The following PEMT variants were observed in gnomAD, a reference collection of about 807,000 sequenced individuals.
PEMT encodes the protein phosphatidylethanolamine N-methyltransferase.
Under a neutral mutation model 27.4 loss-of-function variants are expected in PEMT, and 23 were observed. The ratio of observed to expected loss-of-function variants is 0.84; its 90% CI spans 0.60 to 1.19. The LOEUF is 1.19. Ranked by LOEUF, PEMT falls within the 50% of genes most tolerant of loss-of-function variation. The probability of loss-of-function intolerance (pLI) is 0.00; values close to 1 mark genes in which losing one functional copy is unlikely to be tolerated. For missense variants in PEMT, 307 were observed against 310.1 expected (o/e 0.99, Z 0.07); for synonymous variants, 137 against 139.1 (o/e 0.98, Z 0.11).
At chr17:17,508,461 T>G (rs1906080344) in intron 5 of PEMT, among the ~76,000 whole-genome samples, 1 of 152,082 alleles carries the variant, frequency 6.6e-6, no homozygotes, top group Non-Finnish European at 1.5e-5. Context: ...CTGCTGAAGG[T>G]GGGAGCCAGG....
chr17:17,505,726 A>T lies in PEMT; in HGVS notation c.*65T>A, dbSNP rs1905771400. The T allele has an allele frequency of 6.6e-7, 1 of 1,511,340 alleles. No homozygotes were observed. The highest frequency in any genetic ancestry group is 8.9e-7 in the Non-Finnish European group (1 of 1,127,696). The allele number at this position is 1,511,340 out of a possible 1,614,324, so 93.6% of individuals were successfully genotyped here. On this transcript the variant is annotated 3_prime_UTR_variant, in exon 7 of 7. Coordinates refer to ENST00000255389, the MANE Select transcript of PEMT (RefSeq NM_148172.3). Reference sequence around the variant, plus strand: ...AGCAGGCACCATTCTCGCCCTGCGCAGGGCCTGCCACTTGGGGCAGGCCAG... The same window carrying T: ...AGCAGGCACCATTCTCGCCCTGCGCTGGGCCTGCCACTTGGGGCAGGCCAG...
intron 2 of PEMT, among the ~76,000 whole-genome samples, chr17:17,564,907 G>C (rs1910725826): frequency 6.6e-6 from 1 of 152,168 alleles, no homozygotes; most frequent in African/African-American, 2.4e-5. Context: ...CACACACCGG[G>C]TGGGGTCCCT....
intron 2 of PEMT, among the ~76,000 whole-genome samples, chr17:17,549,883 C>T (rs1197027487): frequency 6.6e-6 from 1 of 152,242 alleles, no homozygotes; most frequent in Non-Finnish European, 1.5e-5. Context: ...TACCTGCACA[C>T]ACATTCAGTC....
intron 2 of PEMT, among the ~76,000 whole-genome samples, chr17:17,553,693 G>A (rs991236322): frequency 1.8e-4 from 27 of 152,246 alleles, no homozygotes; most frequent in African/African-American, 6.5e-4. Flanking sequence ...GCCACGTCCA[G>A]CACCTTCAGC....
intron 2 of PEMT, 21 bp downstream of exon 2, chr17:17,576,899 A>G (rs1911630935): frequency 6.3e-7 from 1 of 1,584,400 alleles, no homozygotes; most frequent in African/African-American, 1.3e-5. Context: ...CCGTCTGGAC[A>G]GTGTCAGGCA....
At chr17:17,524,770 T>C (rs1802711272) in intron 2 of PEMT, among the ~76,000 whole-genome samples, 2 of 151,974 alleles carry the variant, frequency 1.3e-5, no homozygotes, top group South Asian at 4.2e-4. Context: ...GTAGCCATCC[T>C]AGTGGGTGTC....
intron 2 of PEMT, among the ~76,000 whole-genome samples, chr17:17,566,337 C>T (rs1910825919): frequency 6.6e-6 from 1 of 152,198 alleles, no homozygotes; most frequent in Non-Finnish European, 1.5e-5. Context: ...GGTTGCATGG[C>T]TTCCTGGGGA....
intron 2 of PEMT, among the ~76,000 whole-genome samples, chr17:17,542,710 C>T (rs1049600718): frequency 3.3e-5 from 5 of 152,234 alleles, no homozygotes; most frequent in African/African-American, 9.6e-5. Context: ...ATGCACAAGT[C>T]CATGAGATCC....
chr17:17,509,364 T>A, intron 5 of PEMT, 70 bp downstream of exon 5: 1 of 1,030,830 alleles, frequency 9.7e-7, no homozygotes, highest in South Asian at 1.4e-5. Context: ...GGCCCCCGCG[T>A]CCTGAGCTGC....
At chr17:17,536,951 C>T (rs1461112342) in intron 2 of PEMT, among the ~76,000 whole-genome samples, 1 of 152,204 alleles carries the variant, frequency 6.6e-6, no homozygotes, top group South Asian at 2.1e-4. Context: ...CAGCACCCAG[C>T]CCGGGAAGTC....
chr17:17,524,033 G>A (rs1907483760), intron 2 of PEMT, among the ~76,000 whole-genome samples: 1 of 152,032 alleles, frequency 6.6e-6, no homozygotes, highest in Admixed American at 6.5e-5. Flanking sequence ...TTTTGTGTCT[G>A]GCTGCTTTGA....
chr17:17,575,769 G>A lies in PEMT; in HGVS notation c.204+1151C>T, dbSNP rs558122804. On this transcript the variant is annotated intron_variant, in intron 2 of 6. Transcript: ENST00000255389. ...CCTCGAAGCCCCTCCCTTGTGGGCC[G>A]CCAGAGCATCCATCCTCGGAGTGTG... Among the ~76,000 whole-genome samples, 68 of 152,320 alleles carry A rather than the reference G, an allele frequency of 4.5e-4. 1 individual carries two copies. In the South Asian group the frequency reaches 0.013, roughly 29 times the overall value.
chr17:17,539,312 C>T (rs1011610830), intron 2 of PEMT, among the ~76,000 whole-genome samples: 5 of 152,142 alleles, frequency 3.3e-5, no homozygotes, highest in Admixed American at 2.6e-4. Context: ...ATGCATACCA[C>T]CACCACATCA....
At chr17:17,518,341 C>T (rs574516301) in intron 3 of PEMT, among the ~76,000 whole-genome samples, 18 of 152,334 alleles carry the variant, frequency 1.2e-4, no homozygotes, top group African/African-American at 7.2e-5. Flanking sequence ...CAGAGGGTAG[C>T]GGTCCAGCCA....
intron 2 of PEMT, among the ~76,000 whole-genome samples, chr17:17,576,268 C>T (rs573588923): frequency 2.0e-5 from 3 of 152,302 alleles, no homozygotes; most frequent in Admixed American, 6.5e-5. Context: ...ACACTTTCCT[C>T]GAAGGGCCCA....
At chr17:17,571,643 C>T (rs1260610198) in intron 2 of PEMT, among the ~76,000 whole-genome samples, 1 of 152,038 alleles carries the variant, frequency 6.6e-6, no homozygotes, top group African/African-American at 2.4e-5. Flanking sequence ...GGCCTGGGGC[C>T]AAGGCCCCTC....
intron 3 of PEMT, among the ~76,000 whole-genome samples, chr17:17,520,603 A>G (rs1292719338): frequency 3.3e-5 from 5 of 152,234 alleles, no homozygotes; most frequent in African/African-American, 1.2e-4. Context: ...GCAGACGCAC[A>G]GGCCCCGAGG....
At chr17:17,525,048 A>G (rs1907569799) in intron 2 of PEMT, among the ~76,000 whole-genome samples, 2 of 152,172 alleles carry the variant, frequency 1.3e-5, no homozygotes, top group Admixed American at 1.3e-4. Flanking sequence ...CGGAGGTTGC[A>G]GTGAGCCGAG....
rs61692723 is a variant in PEMT, at chr17:17,518,137, G to A, written c.320+4143C>T. On this transcript the variant is annotated intron_variant, in intron 3 of 6. Transcript: ENST00000255389. ...CCAGGCAATTCCGATGTGCGCTGGA[G>A]CACAGTTCCATCCCGTGACTGGTGA... 16,876 of 985,442 alleles carry A rather than the reference G, an allele frequency of 0.017. 2,033 individuals carry two copies. In the African/African-American group the frequency reaches 0.27, roughly 16 times the overall value. 61.0% of individuals were successfully genotyped at this position (985,442 alleles called of 1,614,324 possible). A position where few individuals can be genotyped will look rare whatever the true frequency, so the allele number is the denominator to read the frequency against.
Sources: gnomAD v4.1 joint callset for allele counts (sites outside exome capture counted in the v4.1 genomes callset) on GRCh38, gnomAD v4.1.1 for gene constraint, MANE v1.5 for transcripts, NCBI Gene and HGNC (gene_info 2026-07-23, HGNC 2026-07-21) for gene names.